SPMIP11: variants seen among roughly 807,000 people sequenced by gnomAD.
SPMIP11 encodes the protein sperm microtubule inner protein 11.
At chr12:48,735,991 A>G in the SPMIP11 span, 1 of 275,608 alleles carries the variant, frequency 3.6e-6, no homozygotes, top group South Asian at 3.2e-5. Flanking sequence ...ATGATATTAA[A>G]TCAGTAGTCT....
the SPMIP11 span, among the ~76,000 whole-genome samples, chr12:48,733,072 CT>C: frequency 6.3e-5 from 7 of 110,834 alleles, no homozygotes; most frequent in Admixed American, 1.1e-4. Context: ...ACAAGTTAAT[CT>C]TTTTTTTTTT....
At chr12:48,761,219 G>A in the SPMIP11 span, among the ~76,000 whole-genome samples, 1 of 151,986 alleles carries the variant, frequency 6.6e-6, no homozygotes, top group Non-Finnish European at 1.5e-5. Flanking sequence ...AGACGAGGCG[G>A]GCGGATCACT....
chr12:48,736,570 A>AT, the SPMIP11 span, among the ~76,000 whole-genome samples: 464 of 152,050 alleles, frequency 3.1e-3, 1 homozygote, highest in Non-Finnish European at 4.6e-3. Flanking sequence ...TGTCAGTTCC[A>AT]TTTTTTCCCA....
chr12:48,737,635 G>A, the SPMIP11 span, among the ~76,000 whole-genome samples: 16 of 150,788 alleles, frequency 1.1e-4, no homozygotes, highest in African/African-American at 3.4e-4. Flanking sequence ...GGCTGGTCTC[G>A]AACTCCCTAC....
At chr12:48,768,520 C>A in the SPMIP11 span, 1 of 1,610,304 alleles carries the variant, frequency 6.2e-7, no homozygotes, top group Non-Finnish European at 8.5e-7. Flanking sequence ...TGCCACAGCT[C>A]CACCCAGTGA....
chr12:48,756,044 A>G, the SPMIP11 span, among the ~76,000 whole-genome samples: 1 of 143,542 alleles, frequency 7.0e-6, no homozygotes. Context: ...CACCTGGCTA[A>G]TTTTTTTTTT....
chr12:48,765,882 T>G, the SPMIP11 span: 31 of 525,554 alleles, frequency 5.9e-5, no homozygotes, highest in South Asian at 7.0e-4. Context: ...GGGAGATTCC[T>G]GAATAAGCCA....
chr12:48,729,167 TGAGGCGGGCA>T, the SPMIP11 span, among the ~76,000 whole-genome samples: 1 of 151,926 alleles, frequency 6.6e-6, no homozygotes, highest in Admixed American at 6.6e-5. Flanking sequence ...TTTGAGAGAC[TGAGGCGGGCA>T]GATCATGAAG....
At chr12:48,760,158 T>G in the SPMIP11 span, among the ~76,000 whole-genome samples, 1 of 151,974 alleles carries the variant, frequency 6.6e-6, no homozygotes, top group African/African-American at 2.4e-5. Context: ...TTCTGCCTCT[T>G]TTTTGATGTT....
chr12:48,749,261 CA>C, the SPMIP11 span, among the ~76,000 whole-genome samples: 184 of 129,340 alleles, frequency 1.4e-3, no homozygotes, highest in Non-Finnish European at 1.3e-3. Flanking sequence ...GACTCAGTCT[CA>C]AAAAAAAAAA....
chr12:48,733,274 C>T, the SPMIP11 span, among the ~76,000 whole-genome samples: 1 of 151,808 alleles, frequency 6.6e-6, no homozygotes, highest in East Asian at 2.0e-4. Context: ...GAGGTTTCAC[C>T]ATGTTGGCCA....
At chr12:48,728,707 C>CAAAA in the SPMIP11 span, among the ~76,000 whole-genome samples, 51 of 70,916 alleles carry the variant, frequency 7.2e-4, no homozygotes, top group African/African-American at 9.6e-4. Context: ...GACTCTGTCT[C>CAAAA]AAAAAAAAAA....
chr12:48,766,838 G>C, the SPMIP11 span: 2 of 152,310 alleles, frequency 1.3e-5, no homozygotes, highest in African/African-American at 4.8e-5. Context: ...GCAAAATTCA[G>C]GCTAGTGCCT....
chr12:48,746,731 G>T, the SPMIP11 span, among the ~76,000 whole-genome samples: 9 of 151,420 alleles, frequency 5.9e-5, no homozygotes, highest in South Asian at 1.9e-3. Context: ...GACCAGCCTG[G>T]CCAACATGGC....
At chr12:48,744,991 C>T in the SPMIP11 span, among the ~76,000 whole-genome samples, 3 of 152,034 alleles carry the variant, frequency 2.0e-5, no homozygotes, top group Non-Finnish European at 4.4e-5. Context: ...ATTAAAGAGG[C>T]CGGGCGTGGT....
chr12:48,762,982 C>A, the SPMIP11 span, among the ~76,000 whole-genome samples: 1 of 151,532 alleles, frequency 6.6e-6, no homozygotes, highest in Non-Finnish European at 1.5e-5. Flanking sequence ...AGTGATCCTC[C>A]CAAAGTGCTG....
the SPMIP11 span, among the ~76,000 whole-genome samples, chr12:48,732,535 C>T: frequency 2.6e-5 from 4 of 151,812 alleles, no homozygotes; most frequent in Admixed American, 6.6e-5. Context: ...TTTGGGAGGC[C>T]GAGGCGGGCA....
At chr12:48,770,745 C>A in the SPMIP11 span, 1 of 1,609,404 alleles carries the variant, frequency 6.2e-7, no homozygotes, top group Non-Finnish European at 8.5e-7. Flanking sequence ...GAAAACCCGC[C>A]AAGCAACAAA....
the SPMIP11 span, among the ~76,000 whole-genome samples, chr12:48,757,651 AAT>A: frequency 0.35 from 43,409 of 122,878 alleles, 8,193 homozygotes; most frequent in Non-Finnish European, 0.47. Context: ...ATCTCAAAAA[AAT>A]AAAAATAAAA....
Sources: allele counts gnomAD v4.1 joint callset (sites outside exome capture counted in the v4.1 genomes callset), GRCh38; gene constraint gnomAD v4.1.1; transcripts MANE v1.5; gene names NCBI Gene and HGNC (gene_info 2026-07-23, HGNC 2026-07-21).